Variants in SKAP2 observed in about 807,000 individuals in gnomAD.
SKAP2 encodes src kinase associated phosphoprotein 2.
In SKAP2, 28 loss-of-function variants were observed where a neutral mutation model predicts 54.9. The observed-to-expected ratio is 0.51, with a 90% CI of 0.38 to 0.70. The LOEUF (loss-of-function observed/expected upper bound fraction) is 0.70, where lower values mean the gene tolerates loss of function less well. Ranked by LOEUF, SKAP2 falls within the 30% of genes least tolerant of loss-of-function variation. SKAP2 has a pLI of 0.00. For missense variants in SKAP2, 356 were observed against 424.1 expected (o/e 0.84, Z 1.41); for synonymous variants, 137 against 134.3 (o/e 1.02, Z -0.14).
At chr7:26,708,746 C>A (rs1193876931) in intron 9 of SKAP2, among the ~76,000 whole-genome samples, 1 of 152,102 alleles carries the variant, frequency 6.6e-6, no homozygotes, top group Non-Finnish European at 1.5e-5. Context: ...TCTCTTCGGC[C>A]TCTTTTCATA....
intron 9 of SKAP2, among the ~76,000 whole-genome samples, chr7:26,693,537 T>C (rs1437880882): frequency 1.3e-5 from 2 of 152,136 alleles, no homozygotes; most frequent in African/African-American, 4.8e-5. Flanking sequence ...GGATTGTATA[T>C]TGGTGTCAGA....
intron 9 of SKAP2, among the ~76,000 whole-genome samples, chr7:26,714,848 T>C (rs1263050852): frequency 6.6e-6 from 1 of 152,198 alleles, no homozygotes; most frequent in Non-Finnish European, 1.5e-5. Flanking sequence ...TCTGAAAGAA[T>C]GGATGAATTA....
At chr7:26,674,672 G>A (rs575330920) in intron 11 of SKAP2, among the ~76,000 whole-genome samples, 2 of 152,266 alleles carry the variant, frequency 1.3e-5, no homozygotes, top group Admixed American at 6.5e-5. Flanking sequence ...AGTGGTGTAC[G>A]GAGATCAATC....
In SKAP2 at chr7:26,726,648, T is replaced by C. The variant is rs1787715796; in HGVS notation, c.594+234A>G. 3 of 346,688 alleles carry C rather than the reference T, an allele frequency of 8.7e-6. No individual in the cohort carries two copies. In the South Asian group the frequency reaches 1.4e-4, roughly 16 times the overall value. The allele number at this position is 346,688 out of a possible 1,614,324, so 21.5% of individuals were successfully genotyped here. A position where few individuals can be genotyped will look rare whatever the true frequency, so the allele number is the denominator to read the frequency against. ...TGCAACATGTGTGCAACATGTGAAG[T>C]AATTGATAAATTATATATTCTCTTT... On this transcript the variant is annotated intron_variant, in intron 7 of 12. Coordinates refer to ENST00000345317, the MANE Select transcript of SKAP2 (RefSeq NM_003930.5).
At chr7:26,691,298 C>T (rs7782659) in intron 9 of SKAP2, among the ~76,000 whole-genome samples, 33,607 of 151,994 alleles carry the variant, frequency 0.22, 4,241 homozygotes, top group African/African-American at 0.34. Flanking sequence ...TTCATTTACA[C>T]CAAGAAAAAT....
intron 4 of SKAP2, among the ~76,000 whole-genome samples, chr7:26,808,189 T>C (rs999691493): frequency 7.9e-5 from 12 of 152,158 alleles, no homozygotes; most frequent in Non-Finnish European, 2.9e-5. Flanking sequence ...GCAGTATTCA[T>C]AATAACCAAA....
chr7:26,682,799 C>A (rs1691200539), intron 11 of SKAP2, among the ~76,000 whole-genome samples: 1 of 152,152 alleles, frequency 6.6e-6, no homozygotes, highest in African/African-American at 2.4e-5. Context: ...AAATTAGTCT[C>A]CACAAAACAG....
At chr7:26,722,598 G>C (rs1314846325) in intron 9 of SKAP2, among the ~76,000 whole-genome samples, 1 of 151,270 alleles carries the variant, frequency 6.6e-6, no homozygotes, top group Non-Finnish European at 1.5e-5. Flanking sequence ...TAGTAGAGAC[G>C]GGGTTTCACC....
chr7:26,703,256 A>G (rs941602457), intron 9 of SKAP2, among the ~76,000 whole-genome samples: 2 of 152,214 alleles, frequency 1.3e-5, no homozygotes, highest in Non-Finnish European at 2.9e-5. Flanking sequence ...AATTCCATGC[A>G]TAATTTTCAT....
At chr7:26,807,288 G>A (rs1784049045) in intron 4 of SKAP2, among the ~76,000 whole-genome samples, 1 of 152,154 alleles carries the variant, frequency 6.6e-6, no homozygotes. Context: ...ATCTCATCTC[G>A]AATTATAATC....
At chr7:26,762,699 C>T (rs1782960610) in intron 4 of SKAP2, among the ~76,000 whole-genome samples, 1 of 151,892 alleles carries the variant, frequency 6.6e-6, no homozygotes. Flanking sequence ...AAAATTGATG[C>T]CCATAAACAG....
At chr7:26,815,071 T>C (rs1268653665) in intron 4 of SKAP2, among the ~76,000 whole-genome samples, 1 of 149,610 alleles carries the variant, frequency 6.7e-6, no homozygotes, top group South Asian at 2.1e-4. Flanking sequence ...AAACCACCTA[T>C]CTACAAAATA....
chr7:26,839,653 G>GA (rs1256846887), intron 4 of SKAP2, among the ~76,000 whole-genome samples: 1 of 151,688 alleles, frequency 6.6e-6, no homozygotes, highest in Non-Finnish European at 1.5e-5. Flanking sequence ...CTAAGTTATT[G>GA]AAAAAAACCT....
intron 11 of SKAP2, among the ~76,000 whole-genome samples, chr7:26,675,502 A>G (rs1337846244): frequency 1.3e-5 from 2 of 152,178 alleles, no homozygotes; most frequent in African/African-American, 4.8e-5. Flanking sequence ...TAAAGTACAA[A>G]CTCATTAAGA....
At chr7:26,764,844 C>G (rs539467026) in intron 4 of SKAP2, among the ~76,000 whole-genome samples, 40 of 152,246 alleles carry the variant, frequency 2.6e-4, no homozygotes, top group Admixed American at 1.1e-3. Flanking sequence ...AGCCACGGCG[C>G]CTGGCTGTGC....
At chr7:26,801,032 C>T (rs919085396) in intron 4 of SKAP2, among the ~76,000 whole-genome samples, 10 of 151,696 alleles carry the variant, frequency 6.6e-5, no homozygotes, top group Admixed American at 1.3e-4. Flanking sequence ...GAGAAAAAGA[C>T]GCATCCAAGA....
chr7:26,832,190 T>G (rs1784609157), intron 4 of SKAP2, among the ~76,000 whole-genome samples: 1 of 152,210 alleles, frequency 6.6e-6, no homozygotes, highest in South Asian at 2.1e-4. Flanking sequence ...ATAAAGTTGG[T>G]AAGGTTTCCA....
intron 4 of SKAP2, among the ~76,000 whole-genome samples, chr7:26,832,308 G>C (rs1784611888): frequency 6.6e-6 from 1 of 152,126 alleles, no homozygotes; most frequent in African/African-American, 2.4e-5. Context: ...TAGAAATCTA[G>C]TATTCACTCT....
At chr7:26,797,629 TACTAGC>T (rs1783811020) in intron 4 of SKAP2, among the ~76,000 whole-genome samples, 1 of 152,078 alleles carries the variant, frequency 6.6e-6, no homozygotes, top group African/African-American at 2.4e-5. Context: ...GAAGAACATC[TACTAGC>T]ACCAACACCA....
Sources: gnomAD v4.1 joint callset for allele counts (sites outside exome capture counted in the v4.1 genomes callset) on GRCh38, gnomAD v4.1.1 for gene constraint, MANE v1.5 for transcripts, NCBI Gene and HGNC (gene_info 2026-07-23, HGNC 2026-07-21) for gene names.